The following CFAP61 variants were observed in gnomAD, a reference collection of about 807,000 sequenced individuals.
CFAP61 encodes cilia and flagella associated protein 61.
In CFAP61, 107 loss-of-function variants were observed where a neutral mutation model predicts 135.6. That is an observed-to-expected ratio of 0.79 (90% CI 0.67 to 0.93). CFAP61 has a LOEUF of 0.93. Ranked by LOEUF, CFAP61 falls within the 40% of genes least tolerant of loss-of-function variation. The pLI, the probability that CFAP61 is intolerant of heterozygous loss-of-function variation, is 0.00. For missense variants in CFAP61, 1,507 were observed against 1,556.2 expected, an observed-to-expected ratio of 0.97 and a Z score of 0.53; for synonymous variants, 575 against 578.5, an observed-to-expected ratio of 0.99 and a Z score of 0.09.
intron 2 of CFAP61, among the ~76,000 whole-genome samples, chr20:20,062,836 A>G (rs62200279): frequency 0.055 from 8,353 of 152,298 alleles, 273 homozygotes; most frequent in East Asian, 0.11. Context: ...GAGATTTTCC[A>G]TAATTACACA....
chr20:20,359,572 G>A lies in CFAP61; in HGVS notation c.3514-638G>A, dbSNP rs2059399530. 1.3e-5 allele frequency among the ~76,000 whole-genome samples: 2 copies of A among 152,112 alleles called. No individual in the cohort carries two copies. The highest frequency in any genetic ancestry group is 2.9e-5 in the Non-Finnish European group (2 of 68,024). On this transcript the variant is annotated intron_variant, in intron 26 of 26. Coordinates refer to ENST00000245957, the MANE Select transcript of CFAP61 (RefSeq NM_015585.4). The surrounding 1 kb of genome is among the most constrained non-coding windows in gnomAD (Gnocchi z 4.0). ...CCAGCTACTTGGGAGGCTGAGGCAG[G>A]AGAATAGTTTGAACCTGGTAGGCGG...
At chr20:20,132,178 T>A (rs2050584768) in intron 8 of CFAP61, among the ~76,000 whole-genome samples, 1 of 152,152 alleles carries the variant, frequency 6.6e-6, no homozygotes. Context: ...TGTGTATTAT[T>A]TGTTCTGTGC....
At chr20:20,130,133 C>T (rs976490552) in intron 8 of CFAP61, among the ~76,000 whole-genome samples, 1 of 151,296 alleles carries the variant, frequency 6.6e-6, no homozygotes, top group Non-Finnish European at 1.5e-5. Context: ...ACTAAAGATA[C>T]AAAAAATTAG....
chr20:20,062,238 C>T (rs1459107806), intron 2 of CFAP61, among the ~76,000 whole-genome samples: 1 of 152,150 alleles, frequency 6.6e-6, no homozygotes, highest in East Asian at 1.9e-4. Flanking sequence ...GGAAAAAAAC[C>T]GTCTTGGAGG....
chr20:20,163,298 C>T lies in CFAP61; in HGVS notation c.1027-752C>T, dbSNP rs149960291. Among the ~76,000 whole-genome samples, 490 of 152,292 alleles carry T rather than the reference C, an allele frequency of 3.2e-3. 5 individuals carry two copies. Among genetic ancestry groups the T allele is most frequent in the African/African-American group, 0.011 (466 of 41,564 alleles). On this transcript the variant is annotated intron_variant, in intron 10 of 26. Transcript: ENST00000245957. ...CACCTAAACCAAGACAGAACAGCCT[C>T]AGCCCTGACTTTCCAGGTGGCTGTG...
At chr20:20,207,916 T>C (rs1255944702) in intron 17 of CFAP61, among the ~76,000 whole-genome samples, 1 of 152,204 alleles carries the variant, frequency 6.6e-6, no homozygotes, top group African/African-American at 2.4e-5. Context: ...GTTTGAAACA[T>C]GCCTCTTCAC....
intron 25 of CFAP61, among the ~76,000 whole-genome samples, chr20:20,304,894 A>G (rs1005520457): frequency 6.6e-6 from 1 of 151,980 alleles, no homozygotes; most frequent in Admixed American, 6.6e-5. Context: ...CCACTTATCG[A>G]TGACCCTGCA....
At chr20:20,268,184 T>A (rs2052952699) in intron 21 of CFAP61, among the ~76,000 whole-genome samples, 1 of 152,208 alleles carries the variant, frequency 6.6e-6, no homozygotes, top group African/African-American at 2.4e-5. Context: ...TACTTTAGCA[T>A]GTGAGTTGGG....
intron 15 of CFAP61, among the ~76,000 whole-genome samples, chr20:20,196,071 A>G (rs776255148): frequency 3.9e-5 from 6 of 152,216 alleles, no homozygotes; most frequent in African/African-American, 9.7e-5. Context: ...ACAGAGTGAT[A>G]CTGTCTCAAA....
At position 20,251,771 on chromosome 20, in the gene CFAP61, C is replaced by T. The variant is rs765508513; in HGVS notation, c.2328+8C>T. 13 of 1,612,578 alleles carry T rather than the reference C, an allele frequency of 8.1e-6. No individual in the cohort carries two copies. The highest frequency in any genetic ancestry group is 1.1e-5 in the South Asian group (1 of 91,040). On this transcript the variant is annotated splice_region_variant and intron_variant, in intron 20 of 26. Transcript: ENST00000245957. ...ACCGGGCAGCAGTACCAGGTAAGGC[C>T]GGGCACAGGGGGCGCAAGCCACGTG...
At position 20,090,843 on chromosome 20, in the gene CFAP61, G is replaced by GGGT; in HGVS notation, c.569_571dup (p.Val190dup). The GGGT allele has an allele frequency of 6.2e-7, 1 of 1,614,090 alleles. No individual in the cohort carries two copies. The highest frequency in any genetic ancestry group is 1.3e-5 in the African/African-American group (1 of 75,024). Reference sequence around the variant, plus strand: ...TGAACTTCAGCCTTTCTATTAAACAGGGTGGAAGACCATGACGATCTCATG... The same window carrying GGGT: ...TGAACTTCAGCCTTTCTATTAAACAGGGTGGTGGAAGACCATGACGATCTCATG... On this transcript the variant is annotated inframe_insertion and splice_region_variant. Coordinates refer to ENST00000245957, the MANE Select transcript of CFAP61 (RefSeq NM_015585.4).
intron 9 of CFAP61, among the ~76,000 whole-genome samples, chr20:20,154,646 C>CA (rs1013180526): frequency 3.3e-5 from 5 of 151,768 alleles, no homozygotes; most frequent in South Asian, 2.1e-4. Flanking sequence ...AACACACAAA[C>CA]AAAAAAATCC....
chr20:20,321,811 A>T (rs142583493), intron 25 of CFAP61, among the ~76,000 whole-genome samples: 13 of 152,310 alleles, frequency 8.5e-5, no homozygotes, highest in Non-Finnish European at 1.6e-4. Flanking sequence ...CCCTCCTCCC[A>T]GAAAGAGTGT....
chr20:20,360,571 T>G lies in CFAP61; in HGVS notation c.*161T>G. 1 of 635,960 alleles carries G rather than the reference T, an allele frequency of 1.6e-6. No individual in the cohort carries two copies. Among genetic ancestry groups the G allele is most frequent in the Non-Finnish European group, 2.7e-6 (1 of 368,536 alleles). 39.4% of individuals were successfully genotyped at this position (635,960 alleles called of 1,614,324 possible). A position where few individuals can be genotyped will look rare whatever the true frequency, so the allele number is the denominator to read the frequency against. On this transcript the variant is annotated 3_prime_UTR_variant, in exon 27 of 27. Transcript: ENST00000245957. ...TCCCTGACTTATGCCTGTAGTTTTCTATCATCCCAGTAGGTGGCACACGGC... is the reference window on the plus strand; with the variant it reads ...TCCCTGACTTATGCCTGTAGTTTTCGATCATCCCAGTAGGTGGCACACGGC...
chr20:20,064,031 A>AACCCC (rs1555833215), intron 2 of CFAP61, among the ~76,000 whole-genome samples: 1 of 95,916 alleles, frequency 1.0e-5, no homozygotes, highest in Non-Finnish European at 2.4e-5. Context: ...TAAATAGAGT[A>AACCCC]ACCGCCCCCC....
chr20:20,221,147 C>T (rs2048372892), intron 17 of CFAP61: 1 of 152,072 alleles, frequency 6.6e-6, no homozygotes, highest in African/African-American at 2.4e-5. Flanking sequence ...AGATAGGATT[C>T]GAGTAGAATG....
chr20:20,349,687 C>T (rs1434475080), intron 26 of CFAP61, among the ~76,000 whole-genome samples: 1 of 152,026 alleles, frequency 6.6e-6, no homozygotes. Context: ...CAAATTTAAC[C>T]AAAATAGTGC....
chr20:20,304,548 G>A (rs541483515), intron 25 of CFAP61, among the ~76,000 whole-genome samples: 3 of 150,388 alleles, frequency 2.0e-5, no homozygotes, highest in Admixed American at 6.6e-5. Context: ...CACTCACACG[G>A]CACTCACAAT....
intron 25 of CFAP61, among the ~76,000 whole-genome samples, chr20:20,311,301 ATGT>A (rs1463777161): frequency 2.0e-5 from 3 of 152,248 alleles, no homozygotes; most frequent in Non-Finnish European, 4.4e-5. Flanking sequence ...CTAGGAGCAG[ATGT>A]TGTGGAATTC....
Sources: gnomAD v4.1 joint callset for allele counts (sites outside exome capture counted in the v4.1 genomes callset) on GRCh38, gnomAD v4.1.1 for gene constraint, Gnocchi (gnomAD v3.1) non-coding constraint, MANE v1.5 for transcripts, NCBI Gene and HGNC (gene_info 2026-07-23, HGNC 2026-07-21) for gene names.